Variants in RBFOX1 observed in about 807,000 individuals in gnomAD.
RBFOX1 encodes the protein RNA binding fox-1 homolog 1.
Under a neutral mutation model 57.7 loss-of-function variants are expected in RBFOX1, and 8 were observed. That is an observed-to-expected ratio of 0.14 (90% confidence interval 0.08 to 0.25). The LOEUF (loss-of-function observed/expected upper bound fraction) is 0.25. Ranked by LOEUF, RBFOX1 falls within the 10% of genes least tolerant of loss-of-function variation. The pLI, the probability that RBFOX1 is intolerant of heterozygous loss-of-function variation, is 1.00. For missense variants in RBFOX1, 611 were observed against 548.5 expected (o/e 1.11, Z -1.14); for synonymous variants, 326 against 222.4 (o/e 1.47, Z -4.15).
chr16:7,602,560 G>C (rs939955921), intron 9 of RBFOX1, among the ~76,000 whole-genome samples: 1 of 152,178 alleles, frequency 6.6e-6, no homozygotes, highest in Non-Finnish European at 1.5e-5. Context: ...CTTCCTGACA[G>C]TGCAGGCTCT....
At chr16:6,492,994 G>C (rs530356705) in intron 2 of RBFOX1, among the ~76,000 whole-genome samples, 2 of 152,292 alleles carry the variant, frequency 1.3e-5, no homozygotes, top group South Asian at 2.1e-4. Context: ...AAGAGATGAA[G>C]CTTTTGCTTT....
intron 3 of RBFOX1, among the ~76,000 whole-genome samples, chr16:6,824,435 C>G (rs76627137): frequency 0.013 from 1,925 of 152,228 alleles, 41 homozygotes; most frequent in African/African-American, 0.043. Context: ...ATCTTACTGT[C>G]AAGGCAACTC....
chr16:6,450,129 C>G (rs565739278), intron 2 of RBFOX1, among the ~76,000 whole-genome samples: 4 of 152,292 alleles, frequency 2.6e-5, no homozygotes, highest in Admixed American at 1.3e-4. Flanking sequence ...GGTCCTCTGG[C>G]ATGGTGACTA....
At chr16:6,320,038 C>T (rs753829055) in intron 2 of RBFOX1, among the ~76,000 whole-genome samples, 32 of 151,778 alleles carry the variant, frequency 2.1e-4, no homozygotes, top group Non-Finnish European at 2.8e-4. Context: ...ATAAGAATTG[C>T]GTCAATTTCA....
intron 4 of RBFOX1, among the ~76,000 whole-genome samples, chr16:7,111,447 T>C (rs1309835090): frequency 6.6e-6 from 1 of 152,226 alleles, no homozygotes; most frequent in Non-Finnish European, 1.5e-5. Context: ...TTTGTAAGAA[T>C]AATGCTTCCT....
At chr16:7,491,681 A>T (rs758273184) in intron 4 of RBFOX1, among the ~76,000 whole-genome samples, 2 of 151,990 alleles carry the variant, frequency 1.3e-5, no homozygotes, top group African/African-American at 4.8e-5. Flanking sequence ...CCCAGGCTGG[A>T]GTGCAAGTAC....
At chr16:6,687,640 T>G (rs1232142325) in intron 3 of RBFOX1, among the ~76,000 whole-genome samples, 1 of 152,188 alleles carries the variant, frequency 6.6e-6, no homozygotes, top group African/African-American at 2.4e-5. Context: ...CAAGGGGAAG[T>G]GCCAGGATTC....
intron 2 of RBFOX1, among the ~76,000 whole-genome samples, chr16:6,410,190 G>A (rs904471328): frequency 6.6e-6 from 1 of 151,466 alleles, no homozygotes; most frequent in Non-Finnish European, 1.5e-5. Flanking sequence ...GTGTGTGTGT[G>A]TGTGTGTGTG....
chr16:6,948,770 C>T (rs560959902), intron 3 of RBFOX1, among the ~76,000 whole-genome samples: 2 of 152,136 alleles, frequency 1.3e-5, no homozygotes, highest in South Asian at 2.1e-4. Context: ...AATGCCCATA[C>T]AATCCAGAAG....
At chr16:7,356,383 C>T (rs1216475821) in intron 4 of RBFOX1, among the ~76,000 whole-genome samples, 3 of 152,164 alleles carry the variant, frequency 2.0e-5, no homozygotes, top group African/African-American at 7.2e-5. Context: ...TAAGGCCTCT[C>T]TGAGCATGCA....
At chr16:5,612,192 C>G (rs544728138) in intron 3 of RBFOX1, among the ~76,000 whole-genome samples, 2 of 136,822 alleles carry the variant, frequency 1.5e-5, no homozygotes, top group African/African-American at 5.5e-5. Flanking sequence ...CCCATCCATT[C>G]ATTCATTCTC....
At chr16:7,373,870 G>C (rs1276821035) in intron 4 of RBFOX1, among the ~76,000 whole-genome samples, 2 of 152,192 alleles carry the variant, frequency 1.3e-5, no homozygotes, top group Non-Finnish European at 2.9e-5. Context: ...TCGTGAGAGA[G>C]AGTTTAGGTA....
chr16:5,591,216 C>G (rs1043247418), intron 2 of RBFOX1, among the ~76,000 whole-genome samples: 1 of 151,908 alleles, frequency 6.6e-6, no homozygotes, highest in Non-Finnish European at 1.5e-5. Context: ...AATGAGTTTT[C>G]CTGCTACCAC....
chr16:7,681,408 A>G (rs997136086), intron 14 of RBFOX1, among the ~76,000 whole-genome samples: 10 of 152,190 alleles, frequency 6.6e-5, no homozygotes, highest in African/African-American at 2.4e-4. Context: ...GAACTAAAAA[A>G]GTAAAAGGAT....
chr16:7,005,200 C>G (rs1307206724), intron 3 of RBFOX1, among the ~76,000 whole-genome samples: 4 of 144,302 alleles, frequency 2.8e-5, no homozygotes, highest in African/African-American at 8.3e-5. Flanking sequence ...CATATCCTCA[C>G]CTTTTTGTGT....
intron 1 of RBFOX1, among the ~76,000 whole-genome samples, chr16:5,426,886 C>G (rs2151501889): frequency 6.6e-6 from 1 of 152,308 alleles, no homozygotes; most frequent in Middle Eastern, 3.4e-3. Flanking sequence ...ACCATCCCTG[C>G]TTTACAGGTG....
At chr16:5,427,081 G>C (rs1258839466) in intron 1 of RBFOX1, among the ~76,000 whole-genome samples, 2 of 152,136 alleles carry the variant, frequency 1.3e-5, no homozygotes, top group Non-Finnish European at 2.9e-5. Context: ...CATCAGGCCT[G>C]GGCCCCCTGC....
chr16:7,501,242 T>G (rs1322008252), intron 4 of RBFOX1, among the ~76,000 whole-genome samples: 1 of 152,240 alleles, frequency 6.6e-6, no homozygotes, highest in Non-Finnish European at 1.5e-5. Flanking sequence ...TGCTTATTTC[T>G]TCTATTTCAA....
intron 3 of RBFOX1, among the ~76,000 whole-genome samples, chr16:6,791,827 C>G (rs115165636): frequency 6.6e-6 from 1 of 152,192 alleles, no homozygotes; most frequent in South Asian, 2.1e-4. Flanking sequence ...AGTCATACCT[C>G]CAGGAAGGTG....
Sources: gnomAD v4.1 joint callset for allele counts (sites outside exome capture counted in the v4.1 genomes callset) on GRCh38, gnomAD v4.1.1 for gene constraint, MANE v1.5 for transcripts, NCBI Gene and HGNC (gene_info 2026-07-23, HGNC 2026-07-21) for gene names.